LTBP2: variants seen among roughly 807,000 people sequenced by gnomAD.
LTBP2 encodes the protein latent-transforming growth factor beta-binding protein 2.
In LTBP2, 103 loss-of-function variants were observed where a neutral mutation model predicts 210.6. The ratio of observed to expected loss-of-function variants is 0.49; its 90% CI spans 0.42 to 0.58. The LOEUF (loss-of-function observed/expected upper bound fraction) is 0.58. Among genes scored for constraint, LTBP2 ranks in the 20% least tolerant of loss-of-function variants. The pLI is 0.00. For missense variants in LTBP2, 2,313 were observed against 2,494.5 expected (o/e 0.93, Z 1.55); for synonymous variants, 1,007 against 1,015.0 (o/e 0.99, Z 0.15).
intron 4 of LTBP2, among the ~76,000 whole-genome samples, chr14:74,553,727 G>A (rs1420344549): frequency 6.6e-6 from 1 of 152,198 alleles, no homozygotes; most frequent in Non-Finnish European, 1.5e-5. Context: ...AGCAGTGCAA[G>A]CTGAGGCCGC....
At position 74,506,849 on chromosome 14, in the gene LTBP2, G is replaced by A. The variant is rs144346464; in HGVS notation, c.3908-26C>T. ...CTGTGGGACAGTGGGAACCAGGATAGAGGATGTGTGTGTGTGTGTGTGTGT... is the reference window on the plus strand; with the variant it reads ...CTGTGGGACAGTGGGAACCAGGATAAAGGATGTGTGTGTGTGTGTGTGTGT... On this transcript the variant is annotated intron_variant, in intron 26 of 35. Transcript: ENST00000261978. 1.2e-5 allele frequency: 19 copies of A among 1,606,494 alleles called. No individual in the cohort carries two copies. The East Asian group carries it at 2.7e-4, about 23-fold the overall frequency.
chr14:74,552,609 A>T (rs2087675702), intron 5 of LTBP2, among the ~76,000 whole-genome samples: 1 of 152,192 alleles, frequency 6.6e-6, no homozygotes, highest in African/African-American at 2.4e-5. Context: ...AAGTCTATTT[A>T]GGCGTTTCCC....
intron 2 of LTBP2, among the ~76,000 whole-genome samples, chr14:74,596,130 G>T (rs2088356659): frequency 6.6e-6 from 1 of 151,944 alleles, no homozygotes; most frequent in Admixed American, 6.6e-5. Flanking sequence ...GAGGCTGAGG[G>T]AGGAGAACTG....
intron 3 of LTBP2, among the ~76,000 whole-genome samples, chr14:74,565,101 C>T (rs2087885221): frequency 6.6e-6 from 1 of 152,168 alleles, no homozygotes; most frequent in South Asian, 2.1e-4. Flanking sequence ...GTCCGAAGAA[C>T]AGCTACACTT....
chr14:74,582,245 G>A (rs1011959654), intron 3 of LTBP2, among the ~76,000 whole-genome samples: 2 of 151,694 alleles, frequency 1.3e-5, no homozygotes, highest in African/African-American at 4.8e-5. Flanking sequence ...TCTTCCCTAG[G>A]GCTGGTGACA....
At chr14:74,573,892 A>G (rs760911621) in intron 3 of LTBP2, among the ~76,000 whole-genome samples, 47 of 152,138 alleles carry the variant, frequency 3.1e-4, no homozygotes, top group Admixed American at 8.5e-4. Context: ...AGTCTTTCAC[A>G]TTGAGACTCG....
At chr14:74,520,931 T>C (rs2087194166) in intron 17 of LTBP2, among the ~76,000 whole-genome samples, 1 of 152,224 alleles carries the variant, frequency 6.6e-6, no homozygotes, top group Non-Finnish European at 1.5e-5. Context: ...CATTCACACC[T>C]CACTCATCTC....
intron 3 of LTBP2, among the ~76,000 whole-genome samples, chr14:74,557,887 C>T (rs2087748781): frequency 6.6e-6 from 1 of 152,216 alleles, no homozygotes; most frequent in African/African-American, 2.4e-5. Context: ...AGCCGACAAC[C>T]AGCCCAGACC....
At chr14:74,502,114 GTC>G in intron 34 of LTBP2, 1 of 290,430 alleles carries the variant, frequency 3.4e-6, no homozygotes, top group East Asian at 9.1e-5. Flanking sequence ...TATGGTTTTA[GTC>G]TGATGTGGTA....
intron 3 of LTBP2, among the ~76,000 whole-genome samples, chr14:74,567,728 G>A (rs530668019): frequency 9.9e-5 from 15 of 152,168 alleles, no homozygotes; most frequent in African/African-American, 3.4e-4. Flanking sequence ...TCGTCACAGC[G>A]CTGGGCACAC....
chr14:74,528,883 T>C, intron 11 of LTBP2, 75 bp downstream of exon 11: 1 of 1,574,450 alleles, frequency 6.4e-7, no homozygotes, highest in South Asian at 1.2e-5. Flanking sequence ...GAGGGAAGTC[T>C]ACCCAGGCCT....
At chr14:74,522,321 A>T (rs1471839663) in intron 16 of LTBP2, among the ~76,000 whole-genome samples, 3 of 152,132 alleles carry the variant, frequency 2.0e-5, no homozygotes, top group Non-Finnish European at 4.4e-5. Flanking sequence ...TCTCCTTTGA[A>T]ACCACAATGG....
rs1429684177 is a variant in LTBP2, at chr14:74,507,981, T to A, written c.3767A>T (p.Glu1256Val). The A allele has an allele frequency of 6.2e-7, 1 of 1,613,238 alleles. No homozygotes were observed. The highest frequency in any genetic ancestry group is 8.5e-7 in the Non-Finnish European group (1 of 1,179,990). The stretch of plus-strand genomic sequence containing the variant: ...CCCCCCAGAGCCCTTACCCACACAC[T>A]CTCCACTCTCTGGGGAGGGCTGGAA... ...TGFQPSPESGECVDIDECEDY... is the reference protein window; with the variant it reads ...TGFQPSPESGVCVDIDECEDY... Residue 1256 changes from glutamate (E) to valine (V), a missense_variant, in exon 25 of 36, where the codon GAG becomes GTG. Glu to Val is a moderately radical substitution (Grantham distance 121). Coordinates refer to ENST00000261978, the MANE Select transcript of LTBP2 (RefSeq NM_000428.3).
chr14:74,501,396 G>C, intron 35 of LTBP2, 45 bp downstream of exon 35: 2 of 1,613,478 alleles, frequency 1.2e-6, no homozygotes, highest in Non-Finnish European at 1.7e-6. Context: ...GCGTCTCTGT[G>C]GGCAGTGGGC....
rs2086891202 is a variant in LTBP2 at position 74,499,880 on chromosome 14, GT to G, written c.*1003del. The G allele has an allele frequency of 4.3e-6, 1 of 231,076 alleles. No homozygotes were observed. The highest frequency in any genetic ancestry group is 8.6e-6 in the Non-Finnish European group (1 of 116,750). The allele number at this position is 231,076 out of a possible 1,614,324, so 14.3% of individuals were successfully genotyped here. On this transcript the variant is annotated 3_prime_UTR_variant, in exon 36 of 36. Transcript: ENST00000261978. ...CGTTTTCTGAAGGGAAAGGGCAGGG[GT>G]TTCTGAGTGGAGGGGAAAAACAACA...
intron 1 of LTBP2, among the ~76,000 whole-genome samples, chr14:74,607,001 C>G (rs2088536705): frequency 1.3e-5 from 2 of 152,174 alleles, no homozygotes; most frequent in African/African-American, 4.8e-5. Flanking sequence ...TTTCTTATTT[C>G]TCCTTGTGCC....
At chr14:74,606,861 A>C (rs78821336) in intron 1 of LTBP2, among the ~76,000 whole-genome samples, 5,806 of 151,914 alleles carry the variant, frequency 0.038, 236 homozygotes, top group African/African-American at 0.1. Context: ...AACAAACAAA[A>C]AAAAAAAACC....
At chr14:74,597,873 C>T (rs150786247) in intron 2 of LTBP2, among the ~76,000 whole-genome samples, 22 of 152,326 alleles carry the variant, frequency 1.4e-4, no homozygotes, top group Non-Finnish European at 2.6e-4. Context: ...TGGTTCCTGG[C>T]TCCTGGTGGG....
rs1822759812 is a variant in LTBP2, at chr14:74,528,658, G to A, written c.2193C>T (p.Thr731=). 1.2e-6 allele frequency: 2 copies of A among 1,613,064 alleles called. No homozygotes were observed. The highest frequency in any genetic ancestry group is 2.7e-5 in the African/African-American group (2 of 74,952). The change falls in exon 12 of 36, where the codon ACC becomes ACT. Residue 731 remains threonine (T), a synonymous_variant. Transcript: ENST00000261978. ...REICPAGHGY[T]YASSDIRLSM... is the part of the protein sequence containing the mutation. The stretch of plus-strand genomic sequence containing the variant: ...ACAGGCGGATGTCGGAGCTCGCGTA[G>A]GTGTAGCCGTGGCCGGCAGGGCAGA...
Sources: allele counts gnomAD v4.1 joint callset (sites outside exome capture counted in the v4.1 genomes callset), GRCh38; gene constraint gnomAD v4.1.1; transcripts MANE v1.5; gene names NCBI Gene and HGNC (gene_info 2026-07-23, HGNC 2026-07-21).